MYLK: variants seen among roughly 807,000 people sequenced by gnomAD.
MYLK encodes the protein myosin light chain kinase.
A neutral mutation model predicts 203.4 loss-of-function variants in MYLK; 106 were observed. That is an observed-to-expected ratio of 0.52 (90% CI 0.45 to 0.61). The LOEUF (loss-of-function observed/expected upper bound fraction) is 0.61, where lower values mean the gene tolerates loss of function less well. Among genes scored for constraint, MYLK ranks in the 20% least tolerant of loss-of-function variants. The pLI is 0.00. For missense variants in MYLK, 2,072 were observed against 2,442.3 expected (o/e 0.85, Z 3.20); for synonymous variants, 867 against 959.5 (o/e 0.90, Z 1.78).
chr3:123,755,391 C>T (rs2063330292), intron 4 of MYLK, among the ~76,000 whole-genome samples: 1 of 152,162 alleles, frequency 6.6e-6, no homozygotes, highest in Admixed American at 6.5e-5. Flanking sequence ...TCTACACATA[C>T]CCCAAGCTTA....
At chr3:123,759,994 C>A (rs1312779434) in intron 4 of MYLK, among the ~76,000 whole-genome samples, 2 of 152,138 alleles carry the variant, frequency 1.3e-5, no homozygotes, top group African/African-American at 4.8e-5. Flanking sequence ...AAAAAAAGTC[C>A]CACCTACTTA....
chr3:123,700,953 C>T lies in MYLK; in HGVS notation c.2515G>A (p.Asp839Asn), dbSNP rs2061180741. The T allele has an allele frequency of 1.2e-6, 2 of 1,610,302 alleles. No individual in the cohort carries two copies. The highest frequency in any genetic ancestry group is 2.7e-5 in the African/African-American group (2 of 74,930). The part of the protein sequence containing the change: ...EDLCGGGVGA[D>N]GGGSDRYGSL... ...CCATAGCGGTCACTACCACCACCAT[C>T]AGCACCAACTCCTCCACCACAGAGG... Residue 839 changes from aspartate to asparagine, a missense_variant, in exon 18 of 34, where the codon GAT (aspartate) becomes AAT (asparagine). Asp to Asn is a conservative substitution (Grantham distance 23, BLOSUM62 1). Transcript: ENST00000360304.
rs1294837690 is a variant in MYLK at position 123,819,636 on chromosome 3, T to TCATCTACCCCTTCA, written c.-4+11898_-4+11911dup. On this transcript the variant is annotated intron_variant, in intron 3 of 33. Transcript: ENST00000360304. ...TTCCCATAGTCTTTATCTTAAAATG[T>TCATCTACCCCTTCA]CATCTACCCCTTCACATCCTAGCAA... Among the ~76,000 whole-genome samples, 4 of 152,318 alleles carry TCATCTACCCCTTCA rather than the reference T, an allele frequency of 2.6e-5. No homozygotes were observed. The East Asian group carries it at 7.7e-4, about 29-fold the overall frequency.
chr3:123,791,651 G>A lies in MYLK; in HGVS notation c.165+2026C>T, dbSNP rs371203835. Among the ~76,000 whole-genome samples, 36 of 152,342 alleles carry A rather than the reference G, an allele frequency of 2.4e-4. 2 individuals are homozygous for A. The South Asian group carries it at 7.3e-3, about 31-fold the overall frequency. On this transcript the variant is annotated intron_variant, in intron 4 of 33. Transcript: ENST00000360304. ...GTCAGGTGGTAAGTGGTCAAGTAGC[G>A]CTGCAGTCTGACTCATAAGGAACAC...
intron 18 of MYLK, among the ~76,000 whole-genome samples, chr3:123,694,895 T>C (rs33261): frequency 0.96 from 146,062 of 152,320 alleles, 70,335 homozygotes; most frequent in East Asian, 1. Context: ...TCTTGACCTC[T>C]AGAAGAAAAG....
chr3:123,731,191 C>T lies in MYLK; in HGVS notation c.1516+1705G>A, dbSNP rs144667852. Among the ~76,000 whole-genome samples the T allele has an allele frequency of 3.9e-4, 60 of 152,298 alleles. No homozygotes were observed. The East Asian group carries it at 0.011, about 29-fold the overall frequency. On this transcript the variant is annotated intron_variant, in intron 11 of 33. Coordinates refer to ENST00000360304, the MANE Select transcript of MYLK (RefSeq NM_053025.4). Reference sequence around the variant, plus strand: ...CTGTGAACTCTGCCTACCAGCACTCCCACCTGCAAATGGCATGGATAATAT... The same window carrying T: ...CTGTGAACTCTGCCTACCAGCACTCTCACCTGCAAATGGCATGGATAATAT...
rs897271692 is a variant in MYLK at position 123,709,988 on chromosome 3, C to T, written c.1805-95G>A. The T allele has an allele frequency of 3.9e-6, 6 of 1,534,698 alleles. No homozygotes were observed. The Admixed American group carries it at 1.0e-4, about 26-fold the overall frequency. ...CACTTGGTACATGACTGTGTTGATG[C>T]TCAGTTCCCACCAGAAACTGGCAGC... On this transcript the variant is annotated intron_variant, in intron 13 of 33. Transcript: ENST00000360304.
intron 3 of MYLK, among the ~76,000 whole-genome samples, chr3:123,800,808 G>A (rs1165497560): frequency 1.3e-5 from 2 of 152,072 alleles, no homozygotes; most frequent in Non-Finnish European, 2.9e-5. Context: ...TAACACCTAG[G>A]AGACCCCCTA....
At chr3:123,762,477 C>T (rs1202129291) in intron 4 of MYLK, among the ~76,000 whole-genome samples, 1 of 152,108 alleles carries the variant, frequency 6.6e-6, no homozygotes, top group Non-Finnish European at 1.5e-5. Flanking sequence ...GCAATCCACC[C>T]ACCTTGACCT....
At chr3:123,821,020 C>T (rs1212526466) in intron 3 of MYLK, among the ~76,000 whole-genome samples, 13 of 152,186 alleles carry the variant, frequency 8.5e-5, no homozygotes, top group Non-Finnish European at 1.3e-4. Context: ...TGAGCCACCA[C>T]GCCCGGCTGA....
intron 14 of MYLK, 60 bp downstream of exon 14, chr3:123,709,696 A>C: frequency 6.2e-7 from 1 of 1,605,206 alleles, no homozygotes; most frequent in South Asian, 1.1e-5. Flanking sequence ...GGAGAGCAAT[A>C]CCCATTGCAA....
intron 11 of MYLK, among the ~76,000 whole-genome samples, chr3:123,728,068 T>C (rs59907022): frequency 0.04 from 6,099 of 152,214 alleles, 229 homozygotes; most frequent in South Asian, 0.11. Flanking sequence ...AGATAGGATG[T>C]GGAATGGCAA....
At chr3:123,773,181 T>C (rs534846758) in intron 4 of MYLK, among the ~76,000 whole-genome samples, 44 of 152,156 alleles carry the variant, frequency 2.9e-4, no homozygotes, top group Non-Finnish European at 5.9e-4. Flanking sequence ...TTTTAAAGAA[T>C]ATGAGAAAGC....
Position 123,793,848 on chromosome 3 carries a change from CA to C in MYLK, c.-3-5del. 6.2e-7 allele frequency: 1 copy of C among 1,614,076 alleles called. No homozygotes were observed. Among genetic ancestry groups the C allele is most frequent in the South Asian group, 1.1e-5 (1 of 91,054 alleles). ...CCAGCTTCACATCCCCCATGGTCTGCAAAAAGGAAGGAAGAGGACAAGGTCA... is the reference window on the plus strand; with the variant it reads ...CCAGCTTCACATCCCCCATGGTCTGCAAAAGGAAGGAAGAGGACAAGGTCA... On this transcript the variant is annotated splice_region_variant and splice_polypyrimidine_tract_variant and intron_variant, in intron 3 of 33. Coordinates refer to ENST00000360304, the MANE Select transcript of MYLK (RefSeq NM_053025.4).
At position 123,614,118 on chromosome 3, in the gene MYLK, T is replaced by TCTTCCC; in HGVS notation, c.5726_5731dup (p.Gly1909_Glu1910dup). ...TCTGGCTTTGTTTCACTCTTCTTCC[T>TCTTCCC]CTTCCCCTTCCCCTTCACCTTCCTC... On this transcript the variant is annotated inframe_insertion, in exon 34 of 34. Coordinates refer to ENST00000360304, the MANE Select transcript of MYLK (RefSeq NM_053025.4). 2 of 1,613,776 alleles carry TCTTCCC rather than the reference T, an allele frequency of 1.2e-6. No individual in the cohort carries two copies. The highest frequency in any genetic ancestry group is 1.7e-6 in the Non-Finnish European group (2 of 1,179,910).
intron 20 of MYLK, among the ~76,000 whole-genome samples, chr3:123,670,161 C>T (rs936172538): frequency 6.6e-6 from 1 of 150,694 alleles, no homozygotes; most frequent in African/African-American, 2.4e-5. Flanking sequence ...CAAATTATTT[C>T]AAGATAAAAG....
chr3:123,790,000 C>T (rs1384379250), intron 4 of MYLK, among the ~76,000 whole-genome samples: 1 of 152,156 alleles, frequency 6.6e-6, no homozygotes, highest in Non-Finnish European at 1.5e-5. Flanking sequence ...CTTTCGGTAA[C>T]ATTTCCTGTG....
intron 2 of MYLK, among the ~76,000 whole-genome samples, chr3:123,846,236 C>A (rs1240084529): frequency 6.6e-6 from 1 of 152,282 alleles, no homozygotes; most frequent in South Asian, 2.1e-4. Context: ...ATTATAAACT[C>A]ATTGTTTTAT....
At position 123,642,385 on chromosome 3, in the gene MYLK, TGGTG is replaced by T. The variant is rs1187241847; in HGVS notation, c.4620-1885_4620-1882del. Among the ~76,000 whole-genome samples the T allele has an allele frequency of 5.3e-5, 8 of 152,300 alleles. No individual in the cohort carries two copies. The South Asian group carries it at 8.3e-4, about 16-fold the overall frequency. On this transcript the variant is annotated intron_variant, in intron 27 of 33. Transcript: ENST00000360304. This position sits in a 1 kb window ranked among gnomAD's most constrained non-coding sequence, Gnocchi z 4.2. The stretch of plus-strand genomic sequence containing the variant: ...TTATTACTTATCGTTTGATAAGCTG[TGGTG>T]GGCTAGGTGGATCTTGTCACTGACC...
Sources: gnomAD v4.1 joint callset for allele counts (sites outside exome capture counted in the v4.1 genomes callset) on GRCh38, gnomAD v4.1.1 for gene constraint, Gnocchi (gnomAD v3.1) non-coding constraint, MANE v1.5 for transcripts, NCBI Gene and HGNC (gene_info 2026-07-23, HGNC 2026-07-21) for gene names.